Variants in PSKH2 observed in about 807,000 individuals in gnomAD.
PSKH2 encodes the protein serine/threonine-protein kinase H2.
PSKH2 carries 16 observed loss-of-function variants against 22.5 expected under a neutral mutation model. The ratio of observed to expected loss-of-function variants is 0.71; its 90% CI spans 0.48 to 1.08. The LOEUF (loss-of-function observed/expected upper bound fraction) is 1.08. Among genes scored for constraint, PSKH2 ranks in the 50% least tolerant of loss-of-function variants. PSKH2 has a pLI of 0.00. For missense variants in PSKH2, 516 were observed against 492.8 expected, an observed-to-expected ratio of 1.05 and a Z score of -0.44; for synonymous variants, 188 against 184.8, an observed-to-expected ratio of 1.02 and a Z score of -0.14.
At chr8:86,065,457 G>C (rs576891854) in intron 1 of PSKH2, among the ~76,000 whole-genome samples, 29 of 152,232 alleles carry the variant, frequency 1.9e-4, no homozygotes, top group Non-Finnish European at 3.5e-4. Flanking sequence ...TTTCTCGGCA[G>C]TAAAGAGAAT....
At chr8:86,064,782 G>C in intron 1 of PSKH2, 151 bp from the exon 2 acceptor site, 2 of 697,792 alleles carry the variant, frequency 2.9e-6, no homozygotes, top group East Asian at 2.8e-5. Flanking sequence ...TTTTTTGAAA[G>C]GTACCCCAAA....
At chr8:86,064,654 A>G in intron 1 of PSKH2, 23 bp from the exon 2 acceptor site, 1 of 1,580,688 alleles carries the variant, frequency 6.3e-7, no homozygotes, top group African/African-American at 1.4e-5. Context: ...AAAACCAAAC[A>G]TGTTATCCCC....
chr8:86,061,254 G>A (rs1162845333), intron 2 of PSKH2, among the ~76,000 whole-genome samples: 3 of 152,080 alleles, frequency 2.0e-5, no homozygotes, highest in African/African-American at 4.8e-5. Flanking sequence ...TAAATCACTT[G>A]CACATGAATC....
intron 2 of PSKH2, among the ~76,000 whole-genome samples, chr8:86,057,728 T>G (rs904574352): frequency 2.0e-5 from 3 of 152,184 alleles, no homozygotes; most frequent in Non-Finnish European, 4.4e-5. Context: ...TATTCCTTTA[T>G]GTGCTTTTGC....
At chr8:86,056,311 A>G (rs78151045) in intron 2 of PSKH2, among the ~76,000 whole-genome samples, 1 of 152,106 alleles carries the variant, frequency 6.6e-6, no homozygotes, top group African/African-American at 2.4e-5. Flanking sequence ...AAAGAAAAAA[A>G]TGTTTTTAAT....
At chr8:86,064,915 C>T (rs954999039) in intron 1 of PSKH2, among the ~76,000 whole-genome samples, 2 of 151,988 alleles carry the variant, frequency 1.3e-5, no homozygotes, top group African/African-American at 4.8e-5. Context: ...AAATCTTATC[C>T]CTACTAAAAC....
At chr8:86,066,513 TAAA>T (rs1817861548) in intron 1 of PSKH2, 2 of 152,144 alleles carry the variant, frequency 1.3e-5, no homozygotes, top group Non-Finnish European at 2.9e-5. Context: ...TTCATTTTAA[TAAA>T]ACCTCTCCTA....
chr8:86,068,884 C>T (rs570043100), intron 1 of PSKH2, among the ~76,000 whole-genome samples: 2 of 152,160 alleles, frequency 1.3e-5, no homozygotes, highest in South Asian at 2.1e-4. Context: ...TTTGCTGCTG[C>T]TCCTGCTCTC....
intron 2 of PSKH2, among the ~76,000 whole-genome samples, chr8:86,052,731 A>C (rs796498934): frequency 8.5e-5 from 13 of 152,330 alleles, no homozygotes; most frequent in African/African-American, 2.9e-4. Flanking sequence ...CCCTCAAAAA[A>C]AAGTTATGTG....
Position 86,064,376 on chromosome 8 carries a change from A to C in PSKH2, c.441T>G (p.Asp147Glu). The C allele has an allele frequency of 6.2e-7, 1 of 1,614,150 alleles. No homozygotes were observed. Among genetic ancestry groups the C allele is most frequent in the African/African-American group, 1.3e-5 (1 of 75,020 alleles). Residue 147 changes from aspartate (D) to glutamate (E), a missense_variant, in exon 2 of 3, where the codon GAT becomes GAG. Asp to Glu is a conservative substitution (Grantham distance 45). Coordinates refer to ENST00000276616, the MANE Select transcript of PSKH2 (RefSeq NM_033126.3). ...TAAAGGATCCCTGAGCAATGAGTCG[A>C]TCAAAGAGCTCCCCTCCGGTAGCCA... is the stretch of plus-strand genomic sequence containing the variant. ...MELATGGELF[D>E]RLIAQGSFTE...
chr8:86,061,257 C>A (rs973924094), intron 2 of PSKH2, among the ~76,000 whole-genome samples: 3 of 152,212 alleles, frequency 2.0e-5, no homozygotes, highest in African/African-American at 7.2e-5. Flanking sequence ...ATCACTTGCA[C>A]ATGAATCCTC....
At chr8:86,062,278 C>A (rs1022752795) in intron 2 of PSKH2, among the ~76,000 whole-genome samples, 2 of 152,216 alleles carry the variant, frequency 1.3e-5, no homozygotes, top group African/African-American at 4.8e-5. Context: ...AACATTCTCT[C>A]AGGACTCTTT....
chr8:86,049,747 AAAC>A (rs1292323993), intron 2 of PSKH2, among the ~76,000 whole-genome samples: 5 of 11,448 alleles, frequency 4.4e-4, no homozygotes, highest in East Asian at 4.5e-3. Flanking sequence ...AGAAAGAAAG[AAAC>A]GAAAGAAAGA....
At position 86,048,622 on chromosome 8, in the gene PSKH2, T is replaced by C; in HGVS notation, c.998A>G (p.Gln333Arg). 3 of 1,614,134 alleles carry C rather than the reference T, an allele frequency of 1.9e-6. No individual in the cohort carries two copies. The highest frequency in any genetic ancestry group is 2.5e-6 in the Non-Finnish European group (3 of 1,180,010). The part of the protein sequence containing the change: ...MAAGSSMKNL[Q>R]RAISRNLMQR... Reference sequence around the variant, plus strand: ...CATGAGGTTTCGGGATATGGCCCTCTGGAGATTCTTCATGGAAGACCCTGC... The same window carrying C: ...CATGAGGTTTCGGGATATGGCCCTCCGGAGATTCTTCATGGAAGACCCTGC... The change falls in exon 3 of 3, where the codon CAG (glutamine) becomes CGG (arginine). Residue 333 changes from glutamine (Q) to arginine (R), a missense_variant. Gln to Arg is a conservative substitution (Grantham distance 43, BLOSUM62 1). Coordinates refer to ENST00000276616, the MANE Select transcript of PSKH2 (RefSeq NM_033126.3).
At chr8:86,065,640 G>C (rs1379307744) in intron 1 of PSKH2, among the ~76,000 whole-genome samples, 2 of 152,090 alleles carry the variant, frequency 1.3e-5, no homozygotes, top group Non-Finnish European at 2.9e-5. Flanking sequence ...AAATGCTAGG[G>C]ATCTTAAGCT....
At chr8:86,063,752 G>A (rs1207373041) in intron 2 of PSKH2, among the ~76,000 whole-genome samples, 1 of 152,194 alleles carries the variant, frequency 6.6e-6, no homozygotes, top group Non-Finnish European at 1.5e-5. Flanking sequence ...TTGCCCCACA[G>A]GGGACATTTA....
At chr8:86,060,305 C>A (rs73688576) in intron 2 of PSKH2, among the ~76,000 whole-genome samples, 3,418 of 152,178 alleles carry the variant, frequency 0.022, 131 homozygotes, top group African/African-American at 0.078. Context: ...TATACATTTT[C>A]TCCTGTTGAT....
At chr8:86,065,439 A>C (rs1586066315) in intron 1 of PSKH2, among the ~76,000 whole-genome samples, 1 of 152,178 alleles carries the variant, frequency 6.6e-6, no homozygotes, top group East Asian at 1.9e-4. Context: ...CCATACCCAC[A>C]CTTGGAATTT....
chr8:86,049,675 G>GAAGAAAGAAAGA (rs1156489675), intron 2 of PSKH2, among the ~76,000 whole-genome samples: 3 of 106,030 alleles, frequency 2.8e-5, no homozygotes, highest in Non-Finnish European at 5.5e-5. Context: ...GAGTGAGAAA[G>GAAGAAAGAAAGA]AAGAAAGAAA....
Sources: allele counts gnomAD v4.1 joint callset (sites outside exome capture counted in the v4.1 genomes callset), GRCh38; gene constraint gnomAD v4.1.1; transcripts MANE v1.5; gene names NCBI Gene and HGNC (gene_info 2026-07-23, HGNC 2026-07-21).